The following ODR4 variants were observed in gnomAD, a reference collection of about 807,000 sequenced individuals.
ODR4 encodes protein odr-4 homolog.
In ODR4, 47 loss-of-function variants were observed where a neutral mutation model predicts 60.2. The observed-to-expected ratio is 0.78, with a 90% CI of 0.62 to 1.00. The LOEUF is 1.00. ODR4 is among the 50% of genes least tolerant of loss of function. The pLI, the probability that ODR4 is intolerant of heterozygous loss-of-function variation, is 0.00. For missense variants in ODR4, 488 were observed against 530.8 expected (o/e 0.92, Z 0.79); for synonymous variants, 178 against 175.5 (o/e 1.01, Z -0.11).
In ODR4 at chr1:186,419,046, G is replaced by A. The variant is rs371626366; in HGVS notation, c.1335G>A (p.Ala445=). ...CATTTACAGTTGCAGTCCTTGCTGC[G>A]GGTATCTCCTTTCATTACTTCAGTG... ...IAAFTVAVLA[A]GISFHYFSD Residue 445 remains alanine, a synonymous_variant, in exon 14 of 14, where the codon GCG becomes GCA. Coordinates refer to ENST00000287859, the MANE Select transcript of ODR4 (RefSeq NM_017847.6). The A allele has an allele frequency of 1.2e-5, 20 of 1,610,608 alleles. No homozygotes were observed. The African/African-American group carries it at 2.1e-4, about 17-fold the overall frequency.
rs1262372229 is a variant in ODR4 at position 186,389,612 on chromosome 1, C to A, written c.462C>A (p.Ile154=). ...TKKIFCRTYD[I]HDPKSSARPA... ...GAATATTTTGTCGAACTTATGATAT[C>A]CATGATCCAAAGGTAAGAAATTTAC... Residue 154 remains isoleucine, a synonymous_variant, in exon 6 of 14, where the codon ATC becomes ATA. Coordinates refer to ENST00000287859, the MANE Select transcript of ODR4 (RefSeq NM_017847.6). The A allele has an allele frequency of 6.5e-7, 1 of 1,534,856 alleles. No homozygotes were observed. Among genetic ancestry groups the A allele is most frequent in the South Asian group, 1.2e-5 (1 of 81,240 alleles).
At chr1:186,392,462 CA>C (rs1345196977) in intron 8 of ODR4, among the ~76,000 whole-genome samples, 3 of 152,148 alleles carry the variant, frequency 2.0e-5, no homozygotes, top group Admixed American at 2.0e-4. Context: ...GCCATTAAAA[CA>C]GAACGAGATC....
intron 11 of ODR4, among the ~76,000 whole-genome samples, chr1:186,402,370 CTCCTTCCT>C (rs538821057): frequency 6.8e-6 from 1 of 146,920 alleles, no homozygotes; most frequent in Non-Finnish European, 1.5e-5. Context: ...CCTTTTCTCT[CTCCTTCCT>C]TCCTTCCTTT....
chr1:186,376,041 A>G (rs892411485), intron 1 of ODR4, 67 bp downstream of exon 1: 2 of 153,154 alleles, frequency 1.3e-5, no homozygotes, highest in African/African-American at 5.0e-5. Flanking sequence ...TCAAGAGAAA[A>G]AGGAAGGGAC....
At chr1:186,380,442 T>A (rs999008143) in intron 2 of ODR4, among the ~76,000 whole-genome samples, 2 of 152,170 alleles carry the variant, frequency 1.3e-5, no homozygotes, top group Non-Finnish European at 2.9e-5. Context: ...TAATTTCCTC[T>A]TAGAGCTGAG....
Position 186,383,015 on chromosome 1 carries a change from G to T in ODR4, c.100-7G>T, listed in dbSNP as rs1281434074. The T allele has an allele frequency of 3.8e-6, 6 of 1,579,300 alleles. No individual in the cohort carries two copies. Among genetic ancestry groups the T allele is most frequent in the Non-Finnish European group, 5.2e-6 (6 of 1,162,196 alleles). The stretch of plus-strand genomic sequence containing the variant: ...ACTCTAACAAGCTTTTTAATTTGTT[G>T]TTGAAGTGTTCGTCACAAAAGGATT... On this transcript the variant is annotated splice_region_variant and splice_polypyrimidine_tract_variant and intron_variant, in intron 2 of 13. Coordinates refer to ENST00000287859, the MANE Select transcript of ODR4 (RefSeq NM_017847.6).
At chr1:186,433,517 G>T in the ODR4 span, among the ~76,000 whole-genome samples, 2 of 151,998 alleles carry the variant, frequency 1.3e-5, no homozygotes, top group Non-Finnish European at 2.9e-5. Flanking sequence ...AATGTTCCTT[G>T]TGTGTTGGAG....
intron 12 of ODR4, among the ~76,000 whole-genome samples, chr1:186,407,940 G>A (rs1170541971): frequency 1.3e-5 from 2 of 151,960 alleles, no homozygotes; most frequent in East Asian, 1.9e-4. Context: ...AAGGTCTATC[G>A]CTTTCAAAGA....
rs779250235 is a variant in ODR4 at position 186,379,774 on chromosome 1, T to A, written c.-12T>A. 3 of 1,524,516 alleles carry A rather than the reference T, an allele frequency of 2.0e-6. No individual in the cohort carries two copies. Among genetic ancestry groups the A allele is most frequent in the Admixed American group, 2.1e-5 (1 of 48,126 alleles). The allele number at this position is 1,524,516 out of a possible 1,614,324, so 94.4% of individuals were successfully genotyped here. A position where few individuals can be genotyped will look rare whatever the true frequency, so the allele number is the denominator to read the frequency against. On this transcript the variant is annotated 5_prime_UTR_variant, in exon 2 of 14. Coordinates refer to ENST00000287859, the MANE Select transcript of ODR4 (RefSeq NM_017847.6). ...TTTCTTCTTGTGATATAGGAGATTTTAGTTCCTAAAAATGGGAAGAACCTA... is the reference window on the plus strand; with the variant it reads ...TTTCTTCTTGTGATATAGGAGATTTAAGTTCCTAAAAATGGGAAGAACCTA...
chr1:186,422,445 T>C (rs1661808652), downstream of ODR4, among the ~76,000 whole-genome samples: 1 of 152,176 alleles, frequency 6.6e-6, no homozygotes, highest in African/African-American at 2.4e-5. Flanking sequence ...TTAATACTGA[T>C]TCAATAAACA....
At chr1:186,398,194 A>G in intron 9 of ODR4, 119 bp from the exon 10 acceptor site, 2 of 872,184 alleles carry the variant, frequency 2.3e-6, no homozygotes, top group Non-Finnish European at 3.2e-6. Context: ...AATAATTTCA[A>G]ATGCTTGGCT....
At chr1:186,377,665 G>T (rs190859005) in intron 1 of ODR4, among the ~76,000 whole-genome samples, 2 of 152,218 alleles carry the variant, frequency 1.3e-5, no homozygotes, top group East Asian at 3.9e-4. Flanking sequence ...ACTTCACAGA[G>T]GCAACAGTGA....
In ODR4 at chr1:186,393,962, G is replaced by A; in HGVS notation, c.727G>A (p.Gly243Arg). 1 of 1,521,994 alleles carries A rather than the reference G, an allele frequency of 6.6e-7. No individual in the cohort carries two copies. The highest frequency in any genetic ancestry group is 1.2e-5 in the South Asian group (1 of 82,394). The allele number at this position is 1,521,994 out of a possible 1,614,324, so 94.3% of individuals were successfully genotyped here. A position where few individuals can be genotyped will look rare whatever the true frequency, so the allele number is the denominator to read the frequency against. Residue 243 changes from glycine (G) to arginine (R), a missense_variant, in exon 9 of 14, where the codon GGA becomes AGA. Coordinates refer to ENST00000287859, the MANE Select transcript of ODR4 (RefSeq NM_017847.6). Reference protein sequence around the residue: ...LLEGQKKSSRGNTQATSHSFD... With the variant: ...LLEGQKKSSRRNTQATSHSFD... Reference sequence around the variant, plus strand: ...GTTTTTTCAGAAAAAATCTTCTAGAGGAAATACTCAAGCAACTAGTCATTC... The same window carrying A: ...GTTTTTTCAGAAAAAATCTTCTAGAAGAAATACTCAAGCAACTAGTCATTC...
chr1:186,408,105 T>C (rs1008154238), intron 12 of ODR4, among the ~76,000 whole-genome samples: 7 of 152,134 alleles, frequency 4.6e-5, no homozygotes, highest in Non-Finnish European at 1.0e-4. Flanking sequence ...TCATTCCTTG[T>C]AACAACCCTG....
chr1:186,423,998 G>A (rs1349473771), downstream of ODR4, among the ~76,000 whole-genome samples: 2 of 152,126 alleles, frequency 1.3e-5, no homozygotes, highest in African/African-American at 4.8e-5. Context: ...TAGACTCTGA[G>A]CTCAGAAAGC....
chr1:186,387,951 A>T (rs879748077), intron 4 of ODR4, among the ~76,000 whole-genome samples: 5 of 152,208 alleles, frequency 3.3e-5, no homozygotes, highest in Non-Finnish European at 5.9e-5. Flanking sequence ...TGACGTTTAA[A>T]TAAGAAATGC....
intron 2 of ODR4, among the ~76,000 whole-genome samples, chr1:186,381,396 G>A (rs1005142614): frequency 1.1e-4 from 17 of 150,638 alleles, no homozygotes; most frequent in Admixed American, 9.9e-4. Flanking sequence ...GCGCAATCTC[G>A]GCTCACTGCA....
chr1:186,415,322 A>G (rs952831876), intron 12 of ODR4, among the ~76,000 whole-genome samples: 1 of 152,104 alleles, frequency 6.6e-6, no homozygotes, highest in African/African-American at 2.4e-5. Flanking sequence ...CAGTAAGTTT[A>G]TATGTCATTC....
At chr1:186,389,717 A>G (rs1189508512) in intron 6 of ODR4, 93 bp downstream of exon 6, 13 of 820,926 alleles carry the variant, frequency 1.6e-5, no homozygotes, top group Non-Finnish European at 2.3e-5. Flanking sequence ...TTCCATTGCC[A>G]TCACTTCCTA....
Sources: allele counts gnomAD v4.1 joint callset (sites outside exome capture counted in the v4.1 genomes callset), GRCh38; gene constraint gnomAD v4.1.1; transcripts MANE v1.5; gene names NCBI Gene and HGNC (gene_info 2026-07-23, HGNC 2026-07-21).